Variants in ULK4 observed in about 807,000 individuals in gnomAD.
ULK4 encodes the protein inactive serine/threonine-protein kinase ULK4.
ULK4 carries 133 observed loss-of-function variants against 160.6 expected under a neutral mutation model. The ratio of observed to expected loss-of-function variants is 0.83; its 90% CI spans 0.72 to 0.96. The LOEUF is 0.96. Ranked by LOEUF, ULK4 falls within the 40% of genes least tolerant of loss-of-function variation. The pLI is 0.00. For synonymous variants in ULK4, 534 were observed against 539.8 expected (o/e 0.99, Z 0.15); for missense variants, 1,580 against 1,499.5 (o/e 1.05, Z -0.89).
intron 31 of ULK4, among the ~76,000 whole-genome samples, chr3:41,576,343 GCCA>G (rs2088187111): frequency 1.3e-5 from 2 of 152,194 alleles, no homozygotes; most frequent in Non-Finnish European, 2.9e-5. Flanking sequence ...CATCACTGTG[GCCA>G]CCAAGTGTAG....
intron 34 of ULK4, among the ~76,000 whole-genome samples, chr3:41,453,611 C>T (rs1296640569): frequency 6.6e-6 from 1 of 152,114 alleles, no homozygotes; most frequent in East Asian, 1.9e-4. Context: ...ACTGTGGCAT[C>T]AATAAATTAA....
intron 18 of ULK4, among the ~76,000 whole-genome samples, chr3:41,822,222 T>A (rs2041169258): frequency 6.6e-6 from 1 of 152,060 alleles, no homozygotes; most frequent in South Asian, 2.1e-4. Context: ...CAACCCTGCC[T>A]CCTTCCTCAC....
At chr3:41,522,367 T>C (rs999509059) in intron 32 of ULK4, among the ~76,000 whole-genome samples, 10 of 152,134 alleles carry the variant, frequency 6.6e-5, no homozygotes, top group African/African-American at 2.4e-4. Flanking sequence ...CTCAAACTCC[T>C]GGCCTCAGGT....
chr3:41,894,964 A>G (rs1205410213), intron 16 of ULK4, among the ~76,000 whole-genome samples: 1 of 152,226 alleles, frequency 6.6e-6, no homozygotes, highest in Non-Finnish European at 1.5e-5. Flanking sequence ...GGGAGTTTAT[A>G]AATCATAATC....
chr3:41,747,596 T>C (rs1373621521), intron 22 of ULK4, among the ~76,000 whole-genome samples: 2 of 152,158 alleles, frequency 1.3e-5, no homozygotes, highest in East Asian at 3.8e-4. Context: ...TCAATGTGAC[T>C]ATATTTGAAG....
At chr3:41,252,434 T>C (rs975418803) in intron 35 of ULK4, among the ~76,000 whole-genome samples, 1 of 151,830 alleles carries the variant, frequency 6.6e-6, no homozygotes, top group Non-Finnish European at 1.5e-5. Context: ...AAGGAGAATA[T>C]AGCAAAGAAG....
chr3:41,827,412 A>G (rs1198174243), intron 18 of ULK4, among the ~76,000 whole-genome samples: 1 of 152,194 alleles, frequency 6.6e-6, no homozygotes, highest in Non-Finnish European at 1.5e-5. Flanking sequence ...ATAGACCACT[A>G]GCAAGACTAT....
intron 17 of ULK4, among the ~76,000 whole-genome samples, chr3:41,837,828 T>C (rs1269119440): frequency 6.6e-6 from 1 of 152,224 alleles, no homozygotes; most frequent in African/African-American, 2.4e-5. Flanking sequence ...CCCAAAGTGC[T>C]GGGATTACAG....
At chr3:41,801,292 T>C (rs2040453011) in intron 19 of ULK4, among the ~76,000 whole-genome samples, 1 of 151,374 alleles carries the variant, frequency 6.6e-6, no homozygotes, top group Admixed American at 6.6e-5. Context: ...TAAAAATCTA[T>C]CCAAAATAAA....
chr3:41,613,391 TA>T (rs2032798657), intron 31 of ULK4, among the ~76,000 whole-genome samples: 1 of 151,834 alleles, frequency 6.6e-6, no homozygotes. Flanking sequence ...TAGGCATTTG[TA>T]AAAAGAAAAA....
intron 35 of ULK4, among the ~76,000 whole-genome samples, chr3:41,298,191 C>T (rs1301342848): frequency 2.0e-5 from 3 of 152,206 alleles, no homozygotes; most frequent in Non-Finnish European, 4.4e-5. Flanking sequence ...AACATATAAA[C>T]TCAAACCAGA....
intron 18 of ULK4, among the ~76,000 whole-genome samples, chr3:41,828,926 T>C (rs1232812716): frequency 6.6e-5 from 10 of 151,886 alleles, no homozygotes; most frequent in Admixed American, 5.9e-4. Context: ...CAAAACAGCA[T>C]GGTACTGGTA....
chr3:41,710,341 T>C (rs2037048936), intron 25 of ULK4, among the ~76,000 whole-genome samples: 1 of 152,046 alleles, frequency 6.6e-6, no homozygotes, highest in African/African-American at 2.4e-5. Context: ...GTAGTAGGCA[T>C]TGGAGATTCA....
intron 34 of ULK4, among the ~76,000 whole-genome samples, chr3:41,447,740 A>G (rs1448858151): frequency 6.6e-6 from 1 of 152,158 alleles, no homozygotes; most frequent in African/African-American, 2.4e-5. Flanking sequence ...TTTTCCAGAA[A>G]TACATGGGTC....
intron 34 of ULK4, among the ~76,000 whole-genome samples, chr3:41,416,813 G>A (rs922862684): frequency 1.3e-5 from 2 of 152,180 alleles, no homozygotes; most frequent in African/African-American, 2.4e-5. Flanking sequence ...GAAAAGGAGG[G>A]AGAAAGGGGG....
intron 7 of ULK4, among the ~76,000 whole-genome samples, chr3:41,918,031 A>G (rs928785920): frequency 8.4e-5 from 10 of 119,694 alleles, no homozygotes; most frequent in African/African-American, 1.4e-4. Flanking sequence ...AAATAAATAA[A>G]TAAAGATTTT....
intron 34 of ULK4, among the ~76,000 whole-genome samples, chr3:41,408,882 G>A (rs1457390917): frequency 1.3e-5 from 2 of 152,090 alleles, no homozygotes; most frequent in Non-Finnish European, 2.9e-5. Flanking sequence ...TACAAATGGT[G>A]CTGAGACAAC....
At chr3:41,552,289 A>C (rs1398209814) in intron 32 of ULK4, among the ~76,000 whole-genome samples, 2 of 151,982 alleles carry the variant, frequency 1.3e-5, no homozygotes, top group African/African-American at 4.8e-5. Flanking sequence ...AGAAATAAAA[A>C]GCATCCAAAC....
At chr3:41,946,686 A>T (rs1002994415) in intron 2 of ULK4, among the ~76,000 whole-genome samples, 2 of 152,144 alleles carry the variant, frequency 1.3e-5, no homozygotes, top group Non-Finnish European at 2.9e-5. Context: ...TATATCCAGC[A>T]TTTGTAGTGT....
Sources: gnomAD v4.1 joint callset for allele counts (sites outside exome capture counted in the v4.1 genomes callset) on GRCh38, gnomAD v4.1.1 for gene constraint, MANE v1.5 for transcripts, NCBI Gene and HGNC (gene_info 2026-07-23, HGNC 2026-07-21) for gene names.